Variants in NUFIP2 observed in about 807,000 individuals in gnomAD.
NUFIP2 encodes FMR1-interacting protein NUFIP2.
A neutral mutation model predicts 56.9 loss-of-function variants in NUFIP2; 6 were observed. That is an observed-to-expected ratio of 0.11 (90% CI 0.06 to 0.21). NUFIP2 has a LOEUF of 0.21. NUFIP2 is among the 10% of genes least tolerant of loss of function. NUFIP2 has a pLI of 1.00. For synonymous variants in NUFIP2, 321 were observed against 298.2 expected (o/e 1.08, Z -0.79); for missense variants, 828 against 826.8 (o/e 1.00, Z -0.02).
Position 29,286,750 on chromosome 17 carries a change from G to A in NUFIP2, c.1244C>T (p.Ser415Phe), listed in dbSNP as rs1356695365. Residue 415 changes from serine (S) to phenylalanine (F), a missense_variant, in exon 2 of 4, where the codon TCT becomes TTT. Coordinates refer to ENST00000225388, the MANE Select transcript of NUFIP2 (RefSeq NM_020772.3). Reference sequence around the variant, plus strand: ...AGTCCCTGCTAAAACAGGCCCATTAGAAAAGTTGGCAGAAGTAACAGATTT... The same window carrying A: ...AGTCCCTGCTAAAACAGGCCCATTAAAAAAGTTGGCAGAAGTAACAGATTT... ...ALKSVTSANF[S>F]NGPVLAGTDG... 1 of 1,613,984 alleles carries A rather than the reference G, an allele frequency of 6.2e-7. No individual in the cohort carries two copies. The highest frequency in any genetic ancestry group is 1.3e-5 in the African/African-American group (1 of 74,902).
At chr17:29,291,515 A>G (rs958558047) in intron 1 of NUFIP2, among the ~76,000 whole-genome samples, 1 of 152,224 alleles carries the variant, frequency 6.6e-6, no homozygotes, top group Non-Finnish European at 1.5e-5. Context: ...AACTGTTTAC[A>G]TTCTGTCAAA....
intron 2 of NUFIP2, among the ~76,000 whole-genome samples, chr17:29,271,897 C>G (rs1379015269): frequency 6.6e-6 from 1 of 151,718 alleles, no homozygotes; most frequent in African/African-American, 2.4e-5. Context: ...ATGGTGAAAT[C>G]CCATCTCTAC....
At chr17:29,288,401 T>C (rs1022931798) in intron 1 of NUFIP2, among the ~76,000 whole-genome samples, 1 of 152,238 alleles carries the variant, frequency 6.6e-6, no homozygotes, top group African/African-American at 2.4e-5. Context: ...TCAAGTTTTA[T>C]TGAAACAGTA....
intron 2 of NUFIP2, among the ~76,000 whole-genome samples, chr17:29,267,962 G>C (rs149944345): frequency 0.022 from 3,277 of 152,162 alleles, 41 homozygotes; most frequent in Middle Eastern, 0.034. Context: ...GCAGTGGCCT[G>C]ATCTCGGCTC....
Position 29,287,616 on chromosome 17 carries a change from G to T in NUFIP2, c.378C>A (p.Gly126=), listed in dbSNP as rs991911648. ...GGCTAGTGTCTACAACTTGCTGGTTGCCATTGAGGACCCTGGAAATAGGGT... is the reference window on the plus strand; with the variant it reads ...GGCTAGTGTCTACAACTTGCTGGTTTCCATTGAGGACCCTGGAAATAGGGT... ...ATNPISRVLN[G]NQQVVDTSLK... is the part of the protein sequence containing the mutation. Residue 126 remains glycine, a synonymous_variant, in exon 2 of 4, where the codon GGC becomes GGA. Transcript: ENST00000225388. 1.2e-6 allele frequency: 2 copies of T among 1,613,982 alleles called. No homozygotes were observed. The highest frequency in any genetic ancestry group is 1.7e-6 in the Non-Finnish European group (2 of 1,180,016).
chr17:29,266,451 A>G (rs1310307849), intron 3 of NUFIP2, among the ~76,000 whole-genome samples: 1 of 151,998 alleles, frequency 6.6e-6, no homozygotes. Context: ...AGAAATTTCT[A>G]CACATTTCAA....
chr17:29,293,757 T>G, intron 1 of NUFIP2, 26 bp downstream of exon 1: 4 of 1,040,970 alleles, frequency 3.8e-6, no homozygotes, highest in East Asian at 2.8e-5. Context: ...CCAACCCCCT[T>G]CCCCCACCCG....
chr17:29,272,376 GACT>G (rs1237239426), intron 2 of NUFIP2, among the ~76,000 whole-genome samples: 1 of 151,694 alleles, frequency 6.6e-6, no homozygotes, highest in Non-Finnish European at 1.5e-5. Context: ...GAATAGCTGA[GACT>G]ACAGGCGCAT....
At chr17:29,265,388 C>T (rs866475443) in intron 3 of NUFIP2, among the ~76,000 whole-genome samples, 3 of 146,246 alleles carry the variant, frequency 2.1e-5, no homozygotes, top group East Asian at 2.0e-4. Context: ...CTGCAAGCTC[C>T]GCCTCCCGGG....
At chr17:29,292,537 AGCTGGGTTCCC>A (rs1310594672) in intron 1 of NUFIP2, among the ~76,000 whole-genome samples, 1 of 151,100 alleles carries the variant, frequency 6.6e-6, no homozygotes, top group Non-Finnish European at 1.5e-5. Context: ...GTGACCGGGG[AGCTGGGTTCCC>A]GCTGGGTACC....
In NUFIP2 at chr17:29,285,946, C is replaced by T. The variant is rs776878313; in HGVS notation, c.2002+46G>A. ...AAATTCTCTTAATATAAACAATATA[C>T]TAAATTGGCCAATAAAAATCTTTGT... On this transcript the variant is annotated intron_variant, in intron 2 of 3. Coordinates refer to ENST00000225388, the MANE Select transcript of NUFIP2 (RefSeq NM_020772.3). 1.1e-5 allele frequency: 16 copies of T among 1,403,664 alleles called. No individual in the cohort carries two copies. In the Admixed American group the frequency reaches 3.0e-4, roughly 26 times the overall value. The allele number at this position is 1,403,664 out of a possible 1,614,324, so 87.0% of individuals were successfully genotyped here.
At chr17:29,289,433 A>G (rs944113151) in intron 1 of NUFIP2, among the ~76,000 whole-genome samples, 7 of 152,258 alleles carry the variant, frequency 4.6e-5, no homozygotes, top group African/African-American at 1.2e-4. Flanking sequence ...TCTCTACTAA[A>G]AATACAAAAT....
chr17:29,287,700 G>T lies in NUFIP2; in HGVS notation c.294C>A (p.Asn98Lys). 1 of 1,606,276 alleles carries T rather than the reference G, an allele frequency of 6.2e-7. No homozygotes were observed. Among genetic ancestry groups the T allele is most frequent in the Non-Finnish European group, 8.5e-7 (1 of 1,176,910 alleles). Residue 98 changes from asparagine to lysine, a missense_variant, in exon 2 of 4, where the codon AAC becomes AAA. By Grantham distance (94) the Asn-to-Lys change is moderately conservative. Around this residue, in one of 3 missense-constraint regions of NUFIP2, gnomAD observed 415 missense variants for 408.7 expected, o/e 1.02. Transcript: ENST00000225388. The stretch of plus-strand genomic sequence containing the variant: ...ATATTTCTCTTTCTCCAGCATTACC[G>T]TTTAGTTCACCATAGCCTAGGGGAG... The part of the protein sequence containing the change: ...PKKKTGYGEL[N>K]GNAGEREISL...
chr17:29,293,843 G>C lies in NUFIP2; in HGVS notation c.217C>G (p.Leu73Val), dbSNP rs2153013291. The C allele has an allele frequency of 6.2e-7, 1 of 1,609,710 alleles. No individual in the cohort carries two copies. The highest frequency in any genetic ancestry group is 2.2e-5 in the East Asian group (1 of 44,688). Residue 73 changes from leucine (L) to valine (V), a missense_variant, in exon 1 of 4, where the codon CTG becomes GTG. This residue lies in a region of NUFIP2 where 415 missense variants were observed against 408.7 expected (regional missense o/e 1.02). Transcript: ENST00000225388. ...EGSPKAQPKP[L>V]KHEQKHTLQQ... ...AGGGTGTGTTTCTGCTCATGTTTCA[G>C]CGGCTTTGGCTGGGCCTTGGGGCTG...
chr17:29,278,959 G>A (rs925319532), intron 2 of NUFIP2, among the ~76,000 whole-genome samples: 1 of 152,134 alleles, frequency 6.6e-6, no homozygotes, highest in Non-Finnish European at 1.5e-5. Flanking sequence ...ATTACTATAT[G>A]TCCCACATCA....
Position 29,287,161 on chromosome 17 carries a change from G to A in NUFIP2, c.833C>T (p.Pro278Leu). Reference sequence around the variant, plus strand: ...AGGCCCAGTTTCATACTTCCAAATGGGCTTCGAACCATCTACTCGATTTCC... The same window carrying A: ...AGGCCCAGTTTCATACTTCCAAATGAGCTTCGAACCATCTACTCGATTTCC... ...QKGNRVDGSK[P>L]IWKYETGPGG... Residue 278 changes from proline (P) to leucine (L), a missense_variant, in exon 2 of 4, where the codon CCC becomes CTC. By Grantham distance (98) the Pro-to-Leu change is moderately conservative. This residue lies in a region of NUFIP2 where 415 missense variants were observed against 408.7 expected (regional missense o/e 1.02). Coordinates refer to ENST00000225388, the MANE Select transcript of NUFIP2 (RefSeq NM_020772.3). 1 of 1,614,018 alleles carries A rather than the reference G, an allele frequency of 6.2e-7. No homozygotes were observed. Among genetic ancestry groups the A allele is most frequent in the South Asian group, 1.1e-5 (1 of 91,068 alleles).
rs762473387 is a variant in NUFIP2 at position 29,260,235 on chromosome 17, C to T, written c.*4304G>A. On this transcript the variant is annotated 3_prime_UTR_variant, in exon 4 of 4. Coordinates refer to ENST00000225388, the MANE Select transcript of NUFIP2 (RefSeq NM_020772.3). ...TCCTACGTTTTCCTTTCAAATCCAACAGTTAAGTCATGGGTAGGGTTATTA... is the reference window on the plus strand; with the variant it reads ...TCCTACGTTTTCCTTTCAAATCCAATAGTTAAGTCATGGGTAGGGTTATTA... The T allele has an allele frequency of 6.6e-6, 1 of 151,794 alleles. No individual in the cohort carries two copies. Among genetic ancestry groups the T allele is most frequent in the Admixed American group, 6.6e-5 (1 of 15,256 alleles). The allele number at this position is 151,794 out of a possible 1,614,324, so 9.4% of individuals were successfully genotyped here. A position where few individuals can be genotyped will look rare whatever the true frequency, so the allele number is the denominator to read the frequency against.
Position 29,257,930 on chromosome 17 carries a change from G to A in NUFIP2, c.*6609C>T, listed in dbSNP as rs1399864270. 2.0e-5 allele frequency: 3 copies of A among 152,106 alleles called. No individual in the cohort carries two copies. Among genetic ancestry groups the A allele is most frequent in the African/African-American group, 7.2e-5 (3 of 41,414 alleles). The allele number at this position is 152,106 out of a possible 1,614,324, so 9.4% of individuals were successfully genotyped here. A position where few individuals can be genotyped will look rare whatever the true frequency, so the allele number is the denominator to read the frequency against. On this transcript the variant is annotated 3_prime_UTR_variant, in exon 4 of 4. Transcript: ENST00000225388. ...AATCACTTCCCCAGCTTATAAAATA[G>A]TTCCAGTTTCGCAAGATCTGTAACT...
chr17:29,277,076 G>C (rs1044068991), intron 2 of NUFIP2, among the ~76,000 whole-genome samples: 1 of 152,190 alleles, frequency 6.6e-6, no homozygotes, highest in African/African-American at 2.4e-5. Flanking sequence ...CCAGACTAGA[G>C]TGCAACAGCA....
Sources: allele counts gnomAD v4.1 joint callset (sites outside exome capture counted in the v4.1 genomes callset), GRCh38; gene constraint gnomAD v4.1.1; regional missense constraint gnomAD v4.1.1; transcripts MANE v1.5; gene names NCBI Gene and HGNC (gene_info 2026-07-23, HGNC 2026-07-21).